The following GLIS3 variants were observed in gnomAD, a reference collection of about 807,000 sequenced individuals.
GLIS3 encodes the protein GLIS family zinc finger 3.
Under a neutral mutation model 78.6 loss-of-function variants are expected in GLIS3, and 53 were observed. The observed-to-expected ratio is 0.67, with a 90% CI of 0.54 to 0.85. The LOEUF is 0.85. Ranked by LOEUF, GLIS3 falls within the 40% of genes least tolerant of loss-of-function variation. The pLI, the probability that GLIS3 is intolerant of heterozygous loss-of-function variation, is 0.00. For missense variants in GLIS3, 1,703 were observed against 1,231.1 expected (o/e 1.38, Z -5.74); for synonymous variants, 684 against 509.9 (o/e 1.34, Z -4.60).
intron 4 of GLIS3, among the ~76,000 whole-genome samples, chr9:3,990,436 T>C (rs1327518683): frequency 6.6e-6 from 1 of 152,200 alleles, no homozygotes; most frequent in Non-Finnish European, 1.5e-5. Flanking sequence ...CCTTGGCTCA[T>C]GATGGAAAGA....
At chr9:4,185,532 T>C (rs1298309338) in intron 2 of GLIS3, among the ~76,000 whole-genome samples, 1 of 152,050 alleles carries the variant, frequency 6.6e-6, no homozygotes, top group Non-Finnish European at 1.5e-5. Flanking sequence ...AAAATTAGAG[T>C]GTGCCTTAAA....
intron 6 of GLIS3, among the ~76,000 whole-genome samples, chr9:3,928,074 A>G (rs970460076): frequency 2.6e-5 from 4 of 152,218 alleles, no homozygotes; most frequent in African/African-American, 9.6e-5. Flanking sequence ...AACAATGATT[A>G]AAGTACAGAA....
intron 2 of GLIS3, among the ~76,000 whole-genome samples, chr9:4,333,009 C>T (rs976938544): frequency 1.3e-5 from 2 of 152,234 alleles, no homozygotes; most frequent in African/African-American, 2.4e-5. Context: ...CTTACTCTGA[C>T]AGCTGCTTTA....
the GLIS3 span, among the ~76,000 whole-genome samples, chr9:4,361,846 G>T: frequency 2.1e-3 from 322 of 152,298 alleles, no homozygotes; most frequent in Non-Finnish European, 3.0e-3. Context: ...CTAATTTGAA[G>T]CTCTTTCCCC....
At position 3,828,152 on chromosome 9, in the gene GLIS3, ACT is replaced by A. The variant is rs1161186663; in HGVS notation, c.*118_*119del. The A allele has an allele frequency of 2.6e-6, 3 of 1,157,902 alleles. No individual in the cohort carries two copies. The highest frequency in any genetic ancestry group is 2.5e-4 in the Middle Eastern group (1 of 3,944). The allele number at this position is 1,157,902 out of a possible 1,614,324, so 71.7% of individuals were successfully genotyped here. On this transcript the variant is annotated 3_prime_UTR_variant, in exon 11 of 11. Transcript: ENST00000381971. ...CCTGCCTTCTGAAAGAACATCAGTA[ACT>A]CTGCAGGGCCCGCTGATTGGGCTGA... is the stretch of plus-strand genomic sequence containing the variant.
intron 2 of GLIS3, among the ~76,000 whole-genome samples, chr9:4,206,214 A>G (rs1819867346): frequency 1.3e-5 from 2 of 152,184 alleles, no homozygotes; most frequent in South Asian, 2.1e-4. Flanking sequence ...GGATATTGCA[A>G]GTGAGTATTA....
chr9:4,364,756 C>CTTTTTTTTTTTTTTTTTTTTTT, the GLIS3 span, among the ~76,000 whole-genome samples: 5 of 61,080 alleles, frequency 8.2e-5, no homozygotes, highest in Admixed American at 3.2e-4. Context: ...TCATGTATTG[C>CTTTTTTTTTTTTTTTTTTTTTT]TTTTTTTTTT....
intron 2 of GLIS3, among the ~76,000 whole-genome samples, chr9:4,212,689 G>T (rs1586994010): frequency 1.3e-5 from 2 of 152,186 alleles, no homozygotes; most frequent in African/African-American, 4.8e-5. Flanking sequence ...AGTTTTCCAT[G>T]CAGAGGAAAC....
At chr9:3,882,418 G>A (rs1314406685) in intron 7 of GLIS3, among the ~76,000 whole-genome samples, 2 of 152,186 alleles carry the variant, frequency 1.3e-5, no homozygotes, top group South Asian at 2.1e-4. Flanking sequence ...GAAGCCTCAG[G>A]GAAGAAAGCC....
intron 4 of GLIS3, among the ~76,000 whole-genome samples, chr9:4,033,729 C>A (rs894788415): frequency 6.6e-6 from 1 of 151,996 alleles, no homozygotes; most frequent in African/African-American, 2.4e-5. Flanking sequence ...TTGTCCAAAT[C>A]AAAGGGCGAT....
chr9:4,119,456 C>G (rs1335371745), intron 3 of GLIS3, among the ~76,000 whole-genome samples: 4 of 152,142 alleles, frequency 2.6e-5, no homozygotes, highest in African/African-American at 7.2e-5. Context: ...AGGAATTACT[C>G]TGATTTTTTT....
At chr9:3,989,436 TG>T in intron 4 of GLIS3, among the ~76,000 whole-genome samples, 1 of 152,234 alleles carries the variant, frequency 6.6e-6, no homozygotes, top group East Asian at 1.9e-4. Context: ...AAAAACTGTT[TG>T]CAAATATTCA....
intron 4 of GLIS3, among the ~76,000 whole-genome samples, chr9:3,995,398 TA>T (rs1820662446): frequency 6.6e-6 from 1 of 152,016 alleles, no homozygotes; most frequent in African/African-American, 2.4e-5. Flanking sequence ...TTTCCAAAGA[TA>T]AGGTTCTAAA....
chr9:4,154,145 G>T (rs996021780), intron 2 of GLIS3, among the ~76,000 whole-genome samples: 1 of 152,172 alleles, frequency 6.6e-6, no homozygotes, highest in African/African-American at 2.4e-5. Context: ...GGGCTTTCAG[G>T]CCATTTAGAA....
At chr9:4,357,727 C>G in the GLIS3 span, among the ~76,000 whole-genome samples, 1 of 152,146 alleles carries the variant, frequency 6.6e-6, no homozygotes, top group East Asian at 1.9e-4. Context: ...AGCCTTTGAT[C>G]AAACTAGTGG....
chr9:4,097,510 C>G (rs1830050223), intron 4 of GLIS3, among the ~76,000 whole-genome samples: 1 of 152,060 alleles, frequency 6.6e-6, no homozygotes, highest in Non-Finnish European at 1.5e-5. Context: ...GGAGGCATCT[C>G]TTAGGACCAC....
chr9:3,902,510 A>G (rs1823384867), intron 6 of GLIS3, among the ~76,000 whole-genome samples: 1 of 152,222 alleles, frequency 6.6e-6, no homozygotes, highest in South Asian at 2.1e-4. Context: ...TATTTTACCA[A>G]CATCTTCTTA....
chr9:4,238,717 T>C (rs1039964884), intron 2 of GLIS3, among the ~76,000 whole-genome samples: 7 of 152,192 alleles, frequency 4.6e-5, no homozygotes, highest in Non-Finnish European at 1.0e-4. Context: ...CACCTTCTTA[T>C]CCACTATACT....
intron 4 of GLIS3, among the ~76,000 whole-genome samples, chr9:3,945,155 A>T (rs1244267187): frequency 6.6e-6 from 1 of 152,228 alleles, no homozygotes. Context: ...TCCAAGCATC[A>T]TACTCGAACC....
Sources: allele counts gnomAD v4.1 joint callset (sites outside exome capture counted in the v4.1 genomes callset), GRCh38; gene constraint gnomAD v4.1.1; transcripts MANE v1.5; gene names NCBI Gene and HGNC (gene_info 2026-07-23, HGNC 2026-07-21).